The following PCDH9 variants were observed in gnomAD, a reference collection of about 807,000 sequenced individuals.
PCDH9 encodes the protein protocadherin 9.
PCDH9 carries 24 observed loss-of-function variants against 70.6 expected under a neutral mutation model. That is an observed-to-expected ratio of 0.34 (90% CI 0.25 to 0.48). PCDH9 has a LOEUF of 0.48. Among genes scored for constraint, PCDH9 ranks in the 20% least tolerant of loss-of-function variants. PCDH9 has a pLI of 0.99. For missense variants in PCDH9, 1,281 were observed against 1,503.6 expected, an observed-to-expected ratio of 0.85 and a Z score of 2.45; for synonymous variants, 562 against 558.5, an observed-to-expected ratio of 1.01 and a Z score of -0.09.
At chr13:66,951,730 T>C (rs2083184574) in intron 2 of PCDH9, among the ~76,000 whole-genome samples, 1 of 152,140 alleles carries the variant, frequency 6.6e-6, no homozygotes, top group Non-Finnish European at 1.5e-5. Context: ...ATCTAGATTT[T>C]CCTTACTGAA....
intron 4 of PCDH9, among the ~76,000 whole-genome samples, chr13:66,411,809 G>C (rs1042692041): frequency 1.3e-5 from 2 of 152,098 alleles, no homozygotes; most frequent in Admixed American, 6.6e-5. Context: ...CTCACCTGAA[G>C]GTTTATATGT....
At chr13:67,064,002 A>G (rs1352808892) in intron 2 of PCDH9, among the ~76,000 whole-genome samples, 1 of 152,180 alleles carries the variant, frequency 6.6e-6, no homozygotes, top group East Asian at 1.9e-4. Flanking sequence ...ACTCCACTCT[A>G]TGAATCCCCT....
At chr13:66,979,508 T>C (rs756277077) in intron 2 of PCDH9, among the ~76,000 whole-genome samples, 1 of 152,302 alleles carries the variant, frequency 6.6e-6, no homozygotes, top group African/African-American at 2.4e-5. Flanking sequence ...TTCCACCTTA[T>C]GTTTTCTCAA....
chr13:66,948,906 A>G (rs888952307), intron 2 of PCDH9, among the ~76,000 whole-genome samples: 1 of 151,982 alleles, frequency 6.6e-6, no homozygotes, highest in African/African-American at 2.4e-5. Context: ...TCAGCATTTT[A>G]GGTTTGAAAC....
chr13:67,179,372 A>G (rs369770901), intron 2 of PCDH9, among the ~76,000 whole-genome samples: 9 of 152,208 alleles, frequency 5.9e-5, no homozygotes, highest in African/African-American at 2.2e-4. Flanking sequence ...TCAGACTTAA[A>G]TAGTTAAAGG....
At chr13:66,547,754 A>G (rs1283813886) in intron 4 of PCDH9, among the ~76,000 whole-genome samples, 1 of 151,714 alleles carries the variant, frequency 6.6e-6, no homozygotes, top group Non-Finnish European at 1.5e-5. Context: ...TCGGTATAAT[A>G]GAGCAAGACT....
intron 3 of PCDH9, among the ~76,000 whole-genome samples, chr13:66,692,914 GA>G (rs1241994936): frequency 1.3e-5 from 2 of 152,094 alleles, no homozygotes; most frequent in East Asian, 3.9e-4. Context: ...ACTATTTGAG[GA>G]AAAATGTACA....
At chr13:66,604,525 A>AT (rs926251145) in intron 4 of PCDH9, among the ~76,000 whole-genome samples, 3 of 151,884 alleles carry the variant, frequency 2.0e-5, no homozygotes, top group African/African-American at 7.2e-5. Context: ...TTAATGATTC[A>AT]TTTTTTCCAT....
At chr13:66,870,000 C>T (rs577004908) in intron 3 of PCDH9, among the ~76,000 whole-genome samples, 1 of 151,982 alleles carries the variant, frequency 6.6e-6, no homozygotes. Context: ...CCTTGCCCAT[C>T]CCTATGTCCT....
intron 3 of PCDH9, among the ~76,000 whole-genome samples, chr13:66,744,911 G>T (rs916985476): frequency 9.2e-5 from 14 of 152,078 alleles, no homozygotes; most frequent in Non-Finnish European, 1.8e-4. Flanking sequence ...AGAGAGAAAA[G>T]TTTTTAGTTT....
intron 4 of PCDH9, among the ~76,000 whole-genome samples, chr13:66,548,544 G>A (rs966208304): frequency 6.6e-6 from 1 of 152,004 alleles, no homozygotes; most frequent in Non-Finnish European, 1.5e-5. Context: ...CAGCCTGGGT[G>A]ACAGAGTGAG....
chr13:66,912,697 T>C (rs990229148), intron 2 of PCDH9, among the ~76,000 whole-genome samples: 1 of 151,910 alleles, frequency 6.6e-6, no homozygotes, highest in African/African-American at 2.4e-5. Context: ...ATACATTATA[T>C]TAATACAAAT....
At chr13:66,936,961 G>C (rs777455714) in intron 2 of PCDH9, among the ~76,000 whole-genome samples, 8 of 152,082 alleles carry the variant, frequency 5.3e-5, no homozygotes, top group Non-Finnish European at 1.2e-4. Flanking sequence ...ACTGCGTGGC[G>C]CATAATTTGG....
At chr13:66,641,629 T>C (rs142528024) in intron 3 of PCDH9, among the ~76,000 whole-genome samples, 1 of 152,116 alleles carries the variant, frequency 6.6e-6, no homozygotes, top group African/African-American at 2.4e-5. Flanking sequence ...GAAGGGACTG[T>C]CTCTAGCCAT....
rs560506916 is a variant in PCDH9, at chr13:67,147,964, T to A, written c.3036+77441A>T. On this transcript the variant is annotated intron_variant, in intron 2 of 4. Coordinates refer to ENST00000377865, the MANE Select transcript of PCDH9 (RefSeq NM_203487.3). ...TATCATATCCTTAAACAAATGTCCT[T>A]TTCAAAAGTGTAATATAAAGCAGAC... Among the ~76,000 whole-genome samples the A allele has an allele frequency of 5.9e-4, 90 of 152,298 alleles. 1 individual carries two copies. The South Asian group carries it at 0.018, about 31-fold the overall frequency.
rs189789277 is a variant in PCDH9 at position 66,340,093 on chromosome 13, C to T, written c.3341-35065G>A. ...CCATTGTTTTCCTCAATTAAAAAAT[C>T]CAGAGTAATTACATATTTCTAGCCA... On this transcript the variant is annotated intron_variant, in intron 4 of 4. Transcript: ENST00000377865. Among the ~76,000 whole-genome samples the T allele has an allele frequency of 2.0e-3, 307 of 152,168 alleles. 1 individual carries two copies. Among genetic ancestry groups the T allele is most frequent in the Non-Finnish European group, 3.5e-3 (238 of 67,994 alleles).
chr13:66,874,942 T>TGTGTGTGTGTGAGAGAGAGA (rs533672911), intron 3 of PCDH9, among the ~76,000 whole-genome samples: 2 of 110,024 alleles, frequency 1.8e-5, no homozygotes, highest in African/African-American at 5.4e-5. Context: ...TGTGTGTGTG[T>TGTGTGTGTGTGAGAGAGAGA]GAGAGAGAGA....
At chr13:67,080,099 C>T (rs1325830440) in intron 2 of PCDH9, among the ~76,000 whole-genome samples, 7 of 152,168 alleles carry the variant, frequency 4.6e-5, no homozygotes, top group African/African-American at 1.7e-4. Flanking sequence ...GCCTCGGGCA[C>T]ACTTTATCGG....
chr13:66,315,560 C>A (rs1192213409), intron 4 of PCDH9, among the ~76,000 whole-genome samples: 1 of 152,170 alleles, frequency 6.6e-6, no homozygotes, highest in Admixed American at 6.5e-5. Context: ...CGGCTCACTG[C>A]AAGCTCTGTT....
Sources: allele counts gnomAD v4.1 joint callset (sites outside exome capture counted in the v4.1 genomes callset), GRCh38; gene constraint gnomAD v4.1.1; transcripts MANE v1.5; gene names NCBI Gene and HGNC (gene_info 2026-07-23, HGNC 2026-07-21).